CDH8: variants seen among roughly 807,000 people sequenced by gnomAD.
CDH8 encodes the protein cadherin 8, also known as cadherin-8.
In CDH8, 17 loss-of-function variants were observed where a neutral mutation model predicts 68.1. The ratio of observed to expected loss-of-function variants is 0.25; its 90% CI spans 0.17 to 0.37. CDH8 has a LOEUF of 0.37. Among genes scored for constraint, CDH8 ranks in the 10% least tolerant of loss-of-function variants. CDH8 has a pLI of 1.00. For missense variants in CDH8, 763 were observed against 999.3 expected (o/e 0.76, Z 3.19); for synonymous variants, 372 against 365.1 (o/e 1.02, Z -0.21).
chr16:61,851,713 C>A (rs1366705358), intron 4 of CDH8, among the ~76,000 whole-genome samples: 5 of 151,918 alleles, frequency 3.3e-5, no homozygotes, highest in Non-Finnish European at 7.4e-5. Flanking sequence ...TTTTGAAGTA[C>A]CATAATAAAA....
intron 9 of CDH8, among the ~76,000 whole-genome samples, chr16:61,721,910 C>T (rs551195954): frequency 3.3e-5 from 5 of 150,736 alleles, no homozygotes; most frequent in African/African-American, 1.2e-4. Context: ...TTGCTAATAC[C>T]AAGCTCCTAG....
chr16:61,961,607 C>T (rs906740807), intron 2 of CDH8, among the ~76,000 whole-genome samples: 2 of 152,158 alleles, frequency 1.3e-5, no homozygotes, highest in Non-Finnish European at 2.9e-5. Flanking sequence ...GAAGAATCTT[C>T]TGTTTACTAC....
At chr16:61,807,124 A>G (rs1961803314) in intron 7 of CDH8, among the ~76,000 whole-genome samples, 1 of 149,392 alleles carries the variant, frequency 6.7e-6, no homozygotes, top group Admixed American at 6.7e-5. Flanking sequence ...CATATACACC[A>G]TGGAATACTA....
At chr16:61,963,810 T>A (rs1277235090) in intron 2 of CDH8, among the ~76,000 whole-genome samples, 1 of 152,230 alleles carries the variant, frequency 6.6e-6, no homozygotes, top group Non-Finnish European at 1.5e-5. Context: ...TACTTGAGAA[T>A]CTTCTAACAT....
intron 3 of CDH8, among the ~76,000 whole-genome samples, chr16:61,861,710 C>T (rs1043607599): frequency 3.9e-5 from 6 of 152,184 alleles, no homozygotes; most frequent in African/African-American, 1.4e-4. Context: ...TCATCTCCAA[C>T]ATTTACTAGC....
chr16:61,978,270 T>G (rs1369518380), intron 2 of CDH8, among the ~76,000 whole-genome samples: 2 of 152,304 alleles, frequency 1.3e-5, no homozygotes, highest in Admixed American at 6.5e-5. Flanking sequence ...AACCTCTTCC[T>G]GCACAAATCA....
At chr16:62,004,742 T>C (rs987050114) in intron 2 of CDH8, among the ~76,000 whole-genome samples, 2 of 152,140 alleles carry the variant, frequency 1.3e-5, no homozygotes, top group African/African-American at 4.8e-5. Context: ...AATTGTAAAA[T>C]AGAAAATACT....
At chr16:61,963,095 G>A (rs1567547962) in intron 2 of CDH8, among the ~76,000 whole-genome samples, 1 of 152,124 alleles carries the variant, frequency 6.6e-6, no homozygotes, top group Non-Finnish European at 1.5e-5. Flanking sequence ...CCAATTATGA[G>A]GTTGGATTCT....
chr16:61,772,546 G>C (rs1410442975), intron 8 of CDH8, among the ~76,000 whole-genome samples: 1 of 152,046 alleles, frequency 6.6e-6, no homozygotes, highest in African/African-American at 2.4e-5. Flanking sequence ...CTAGCACACA[G>C]TAAGCTGCGA....
chr16:61,825,630 T>C (rs1375681133), intron 4 of CDH8, among the ~76,000 whole-genome samples: 4 of 151,868 alleles, frequency 2.6e-5, no homozygotes, highest in Admixed American at 6.6e-5. Flanking sequence ...AGTTCACAGA[T>C]ACATTTGAGA....
At chr16:61,817,922 T>C (rs1962118249) in intron 6 of CDH8, 190 bp from the exon 7 acceptor site, 2 of 512,328 alleles carry the variant, frequency 3.9e-6, no homozygotes, top group African/African-American at 2.0e-5. Context: ...GTTTATTATA[T>C]AAGCTCAGTG....
At chr16:61,813,477 A>G (rs1022865155) in intron 7 of CDH8, among the ~76,000 whole-genome samples, 1 of 152,144 alleles carries the variant, frequency 6.6e-6, no homozygotes, top group Non-Finnish European at 1.5e-5. Flanking sequence ...CTGCCCCGCA[A>G]GTGTTTACAT....
intron 10 of CDH8, among the ~76,000 whole-genome samples, chr16:61,706,620 C>CAAAAAAAAAAAAAAAAAAAAAAAAA (rs781148249): frequency 3.3e-5 from 2 of 60,402 alleles, no homozygotes; most frequent in Non-Finnish European, 6.0e-5. Context: ...GACTCTGTCT[C>CAAAAAAAAAAAAAAAAAAAAAAAAA]AAAAAAAAAA....
At chr16:61,914,415 T>C (rs72798792) in intron 2 of CDH8, among the ~76,000 whole-genome samples, 23,977 of 152,194 alleles carry the variant, frequency 0.16, 2,110 homozygotes, top group Middle Eastern at 0.25. Context: ...ATCCATTCCC[T>C]AATTCCCAGA....
chr16:61,936,205 G>A (rs1964624673), intron 2 of CDH8, among the ~76,000 whole-genome samples: 1 of 151,990 alleles, frequency 6.6e-6, no homozygotes, highest in African/African-American at 2.4e-5. Flanking sequence ...ATAAATATTT[G>A]CATTGAATAT....
chr16:61,816,295 G>T (rs1387375560), intron 7 of CDH8, among the ~76,000 whole-genome samples: 5 of 152,148 alleles, frequency 3.3e-5, no homozygotes, highest in Non-Finnish European at 5.9e-5. Context: ...GGTGCTGATT[G>T]TCCTGCAAGG....
intron 10 of CDH8, among the ~76,000 whole-genome samples, chr16:61,702,167 T>C (rs190044490): frequency 1.3e-5 from 2 of 152,244 alleles, no homozygotes; most frequent in East Asian, 3.9e-4. Flanking sequence ...GGTCAGGAGA[T>C]CTAGACCATC....
chr16:61,658,035 C>G (rs897104995), intron 10 of CDH8, among the ~76,000 whole-genome samples: 2 of 152,048 alleles, frequency 1.3e-5, no homozygotes, highest in African/African-American at 4.8e-5. Flanking sequence ...TAAATTTTAC[C>G]TGCCAGTTCC....
chr16:61,835,871 G>C (rs568255156), intron 4 of CDH8, among the ~76,000 whole-genome samples: 35 of 151,946 alleles, frequency 2.3e-4, no homozygotes, highest in African/African-American at 8.0e-4. Context: ...AGAGAGAATG[G>C]GGCACTGGCC....
Sources: gnomAD v4.1 joint callset for allele counts (sites outside exome capture counted in the v4.1 genomes callset) on GRCh38, gnomAD v4.1.1 for gene constraint, MANE v1.5 for transcripts, NCBI Gene and HGNC (gene_info 2026-07-23, HGNC 2026-07-21) for gene names.